Variants in SOCS2 observed in about 807,000 individuals in gnomAD.
SOCS2 encodes CIS-2.
In SOCS2, 10 loss-of-function variants were observed where a neutral mutation model predicts 18.6. The observed-to-expected ratio is 0.54, with a 90% CI of 0.33 to 0.91. The LOEUF is 0.91. SOCS2 is among the 40% of genes least tolerant of loss of function. The pLI is 0.02. For missense variants in SOCS2, 231 were observed against 247.2 expected, an observed-to-expected ratio of 0.93 and a Z score of 0.44; for synonymous variants, 104 against 104.0, an observed-to-expected ratio of 1.00 and a Z score of 0.00.
At chr12:93,593,507 A>G in the SOCS2 span, among the ~76,000 whole-genome samples, 1 of 152,354 alleles carries the variant, frequency 6.6e-6, no homozygotes, top group South Asian at 2.1e-4. Flanking sequence ...TTGTATAGGT[A>G]AGACCTATTA....
chr12:93,619,000 T>C, the SOCS2 span, among the ~76,000 whole-genome samples: 35 of 152,262 alleles, frequency 2.3e-4, no homozygotes, highest in African/African-American at 8.2e-4. Flanking sequence ...TAAAGGAGTT[T>C]AACTGAAGGG....
the SOCS2 span, among the ~76,000 whole-genome samples, chr12:93,619,940 T>C: frequency 1.3e-5 from 2 of 152,238 alleles, no homozygotes; most frequent in African/African-American, 4.8e-5. Context: ...GCAACTGTTA[T>C]ATATCTTCAC....
chr12:93,623,022 A>G, the SOCS2 span, among the ~76,000 whole-genome samples: 1 of 152,194 alleles, frequency 6.6e-6, no homozygotes, highest in Admixed American at 6.5e-5. Context: ...AAATTCAACA[A>G]GGATATTTAC....
downstream of SOCS2, among the ~76,000 whole-genome samples, chr12:93,586,204 C>A (rs189412722): frequency 4.6e-3 from 701 of 152,312 alleles, 11 homozygotes; most frequent in African/African-American, 0.016. Context: ...TCACAAACAT[C>A]TCTTGGGTTT....
At chr12:93,619,046 A>G in the SOCS2 span, among the ~76,000 whole-genome samples, 1 of 152,206 alleles carries the variant, frequency 6.6e-6, no homozygotes, top group African/African-American at 2.4e-5. Flanking sequence ...AAACGTGGGC[A>G]GGGTTAAGAG....
rs1954450993 is a variant in SOCS2 at position 93,575,947 on chromosome 12, A to G, written c.*768A>G. On this transcript the variant is annotated 3_prime_UTR_variant, in exon 2 of 2. Coordinates refer to ENST00000551556, the MANE Select transcript of SOCS2 (RefSeq NM_001270471.2). The stretch of plus-strand genomic sequence containing the variant: ...CCCGTTAATAAAAACCAATGTAGGT[A>G]TAGGCATTCTACCCTTTGAAATAGC... The G allele has an allele frequency of 6.5e-6, 1 of 152,682 alleles. No homozygotes were observed. The highest frequency in any genetic ancestry group is 2.4e-5 in the African/African-American group (1 of 41,460). The allele number at this position is 152,682 out of a possible 1,614,324, so 9.5% of individuals were successfully genotyped here. A position where few individuals can be genotyped will look rare whatever the true frequency, so the allele number is the denominator to read the frequency against.
At chr12:93,624,587 A>G in the SOCS2 span, among the ~76,000 whole-genome samples, 1 of 151,858 alleles carries the variant, frequency 6.6e-6, no homozygotes, top group South Asian at 2.1e-4. Context: ...AAAAAAATCT[A>G]TTATGTGTTA....
At chr12:93,606,551 C>G in the SOCS2 span, among the ~76,000 whole-genome samples, 1 of 152,020 alleles carries the variant, frequency 6.6e-6, no homozygotes, top group East Asian at 1.9e-4. Context: ...TTGGGATTAC[C>G]ATACCTCATC....
chr12:93,623,360 T>C, the SOCS2 span, among the ~76,000 whole-genome samples: 1 of 152,210 alleles, frequency 6.6e-6, no homozygotes, highest in Non-Finnish European at 1.5e-5. Context: ...CAATTAAACC[T>C]CTTTCCTTTA....
At chr12:93,603,655 G>A in the SOCS2 span, among the ~76,000 whole-genome samples, 3 of 152,032 alleles carry the variant, frequency 2.0e-5, no homozygotes, top group Non-Finnish European at 4.4e-5. Context: ...AAGTTACCTT[G>A]TCTTCCTCCT....
chr12:93,601,328 G>A, the SOCS2 span, among the ~76,000 whole-genome samples: 21 of 152,158 alleles, frequency 1.4e-4, no homozygotes, highest in African/African-American at 5.1e-4. Context: ...AAGCTGGAGT[G>A]CAGCGGTGTG....
Position 93,576,593 on chromosome 12 carries a change from A to G in SOCS2, c.*1414A>G, listed in dbSNP as rs958087605. On this transcript the variant is annotated 3_prime_UTR_variant, in exon 2 of 2. Coordinates refer to ENST00000551556, the MANE Select transcript of SOCS2 (RefSeq NM_001270471.2). Reference sequence around the variant, plus strand: ...ATGTTAGTCTGCATAACTGTTATAAATGTACCATCTTTTCTAGAGTCCAGA... The same window carrying G: ...ATGTTAGTCTGCATAACTGTTATAAGTGTACCATCTTTTCTAGAGTCCAGA... 1 of 152,236 alleles carries G rather than the reference A, an allele frequency of 6.6e-6. No individual in the cohort carries two copies. The highest frequency in any genetic ancestry group is 1.5e-5 in the Non-Finnish European group (1 of 68,042). 9.4% of individuals were successfully genotyped at this position (152,236 alleles called of 1,614,324 possible). A position where few individuals can be genotyped will look rare whatever the true frequency, so the allele number is the denominator to read the frequency against.
At chr12:93,608,000 CTTTTTT>C in the SOCS2 span, among the ~76,000 whole-genome samples, 1 of 124,460 alleles carries the variant, frequency 8.0e-6, no homozygotes, top group Non-Finnish European at 1.7e-5. Context: ...GACTGTAAAT[CTTTTTT>C]TTTTTTTTTT....
the SOCS2 span, among the ~76,000 whole-genome samples, chr12:93,617,183 C>T: frequency 0.086 from 13,110 of 152,162 alleles, 935 homozygotes; most frequent in East Asian, 0.31. Context: ...TTACCAGGTG[C>T]AATAAGCAGG....
the SOCS2 span, among the ~76,000 whole-genome samples, chr12:93,601,378 G>T: frequency 6.6e-6 from 1 of 152,060 alleles, no homozygotes; most frequent in Non-Finnish European, 1.5e-5. Flanking sequence ...GGGTTCAAGG[G>T]ATTTTCCATC....
At chr12:93,571,329 C>T (rs1954244687), upstream of SOCS2, 1 of 152,304 alleles carries the variant, frequency 6.6e-6, no homozygotes, top group African/African-American at 2.4e-5. Context: ...GCTTCCGCAG[C>T]TCGGAGCGCC....
chr12:93,572,108 G>T (rs1011727354), upstream of SOCS2: 4 of 171,394 alleles, frequency 2.3e-5, no homozygotes, highest in African/African-American at 9.6e-5. This position sits in a 1 kb window ranked among gnomAD's most constrained non-coding sequence, Gnocchi z 5.0. Context: ...CCGCCAGAGC[G>T]GGCACCAGGA....
At chr12:93,582,879 C>T (rs1396207886) in intron 1 of SOCS2, 1 of 152,116 alleles carries the variant, frequency 6.6e-6, no homozygotes, top group Admixed American at 6.5e-5. Flanking sequence ...AGAGGAGAGG[C>T]AGGCTCCACC....
chr12:93,593,002 T>C, the SOCS2 span, among the ~76,000 whole-genome samples: 9 of 149,558 alleles, frequency 6.0e-5, no homozygotes, highest in South Asian at 8.7e-4. Context: ...AGCACAACTA[T>C]AGTAAAAGTT....
Sources: gnomAD v4.1 joint callset for allele counts (sites outside exome capture counted in the v4.1 genomes callset) on GRCh38, gnomAD v4.1.1 for gene constraint, Gnocchi (gnomAD v3.1) non-coding constraint, MANE v1.5 for transcripts, NCBI Gene and HGNC (gene_info 2026-07-23, HGNC 2026-07-21) for gene names.